GRIK5: variants seen among roughly 807,000 people sequenced by gnomAD.
GRIK5 encodes the protein glutamate receptor ionotropic, kainate 5.
A neutral mutation model predicts 97.4 loss-of-function variants in GRIK5; 43 were observed. That is an observed-to-expected ratio of 0.44 (90% CI 0.35 to 0.57). GRIK5 has a LOEUF of 0.57. GRIK5 is among the 20% of genes least tolerant of loss of function. GRIK5 has a pLI of 0.01. For missense variants in GRIK5, 1,015 were observed against 1,382.0 expected (o/e 0.73, Z 4.21); for synonymous variants, 580 against 583.5 (o/e 0.99, Z 0.09).
chr19:42,061,171 C>T (rs2076254186), intron 5 of GRIK5, among the ~76,000 whole-genome samples: 1 of 152,222 alleles, frequency 6.6e-6, no homozygotes, highest in Admixed American at 6.5e-5. Context: ...CCTCAGCCTC[C>T]TGAGTAGCTG....
At position 42,056,826 on chromosome 19, in the gene GRIK5, G is replaced by A. The variant is rs2076192830; in HGVS notation, c.742-3C>T. On this transcript the variant is annotated splice_region_variant and splice_polypyrimidine_tract_variant and intron_variant, in intron 7 of 19. Coordinates refer to ENST00000593562, the MANE Select transcript of GRIK5 (RefSeq NM_002088.5). ...TCCAGATGCAGGATGGGGAAGTCCT[G>A]GGACCAGGAAGAGGTGGTGAGGCCT... is the stretch of plus-strand genomic sequence containing the variant. 6.2e-7 allele frequency: 1 copy of A among 1,614,046 alleles called. No homozygotes were observed. Among genetic ancestry groups the A allele is most frequent in the African/African-American group, 1.3e-5 (1 of 74,932 alleles).
Position 42,022,700 on chromosome 19 carries a change from G to C in GRIK5, c.1474-346C>G. ...AGGGCCATAAAAGAGCCAAGGTCCT[G>C]AAGGGGCTGAGACTGACAGCACTCG... On this transcript the variant is annotated intron_variant, in intron 12 of 19. Coordinates refer to ENST00000593562, the MANE Select transcript of GRIK5 (RefSeq NM_002088.5). This position sits in a 1 kb window ranked among gnomAD's most constrained non-coding sequence, Gnocchi z 4.2. 1 of 981,444 alleles carries C rather than the reference G, an allele frequency of 1.0e-6. No individual in the cohort carries two copies. Among genetic ancestry groups the C allele is most frequent in the Non-Finnish European group, 1.2e-6 (1 of 826,604 alleles). The allele number at this position is 981,444 out of a possible 1,614,324, so 60.8% of individuals were successfully genotyped here. A position where few individuals can be genotyped will look rare whatever the true frequency, so the allele number is the denominator to read the frequency against.
At chr19:42,024,218 T>A (rs1357193408) in intron 12 of GRIK5, among the ~76,000 whole-genome samples, 1 of 149,852 alleles carries the variant, frequency 6.7e-6, no homozygotes, top group African/African-American at 2.4e-5. Flanking sequence ...TTGGCCCTTT[T>A]TTTTTTTTTT....
At chr19:42,035,273 G>A (rs922246540) in intron 12 of GRIK5, among the ~76,000 whole-genome samples, 3 of 152,126 alleles carry the variant, frequency 2.0e-5, no homozygotes, top group Middle Eastern at 3.4e-3. Flanking sequence ...GAGTCACTGC[G>A]CCTGGCCTAA....
At chr19:42,066,298 T>C (rs1020438138) in intron 1 of GRIK5, among the ~76,000 whole-genome samples, 6 of 152,012 alleles carry the variant, frequency 3.9e-5, no homozygotes, top group Non-Finnish European at 7.4e-5. Flanking sequence ...CTTGCCACTT[T>C]CCTAACATCC....
At chr19:42,036,930 C>T (rs1463658379) in intron 12 of GRIK5, among the ~76,000 whole-genome samples, 1 of 152,164 alleles carries the variant, frequency 6.6e-6, no homozygotes, top group Non-Finnish European at 1.5e-5. Flanking sequence ...GTTAGGGGGT[C>T]ACCACTCCCC....
chr19:42,025,824 T>C (rs2075764760), intron 12 of GRIK5, among the ~76,000 whole-genome samples: 1 of 152,224 alleles, frequency 6.6e-6, no homozygotes, highest in African/African-American at 2.4e-5. Flanking sequence ...GCTTAGATTC[T>C]GCAACGGGCT....
Position 41,999,757 on chromosome 19 carries a change from G to T in GRIK5, c.2515-458C>A, listed in dbSNP as rs557142786. 5.3e-5 allele frequency among the ~76,000 whole-genome samples: 8 copies of T among 152,350 alleles called. No homozygotes were observed. The South Asian group carries it at 1.5e-3, about 28-fold the overall frequency. On this transcript the variant is annotated intron_variant, in intron 19 of 19. Coordinates refer to ENST00000593562, the MANE Select transcript of GRIK5 (RefSeq NM_002088.5). The surrounding 1 kb of genome is among the most constrained non-coding windows in gnomAD (Gnocchi z 5.0). ...AGACAGAAGTCCCAGCCCTCGTGGA[G>T]GTTATGCTCAAGTGTGCAGAGACAG...
intron 3 of GRIK5, chr19:42,063,283 C>G: frequency 2.2e-6 from 1 of 459,410 alleles, no homozygotes. Context: ...CCAAACACCA[C>G]TCTCCCACTG....
chr19:41,998,984 C>T lies in GRIK5; in HGVS notation c.2830G>A (p.Ala944Thr), dbSNP rs1432915592. Residue 944 changes from alanine to threonine, a missense_variant, in exon 20 of 20, where the codon GCC becomes ACC. Coordinates refer to ENST00000593562, the MANE Select transcript of GRIK5 (RefSeq NM_002088.5). ...CGCGGAGGCGCGCCGGCCCCCGAGG[C>T]CCGCAGCGCCTGGATGCGCCGGCAC... is the stretch of plus-strand genomic sequence containing the variant. Reference protein sequence around the residue: ...QECRRIQALRASGAGAPPRGL... With the variant: ...QECRRIQALRTSGAGAPPRGL... 9 of 1,201,686 alleles carry T rather than the reference C, an allele frequency of 7.5e-6. No individual in the cohort carries two copies. The highest frequency in any genetic ancestry group is 1.6e-5 in the African/African-American group (1 of 61,948). The allele number at this position is 1,201,686 out of a possible 1,614,324, so 74.4% of individuals were successfully genotyped here.
intron 11 of GRIK5, among the ~76,000 whole-genome samples, chr19:42,044,522 T>C (rs2076019393): frequency 6.6e-6 from 1 of 152,208 alleles, no homozygotes; most frequent in Non-Finnish European, 1.5e-5. Flanking sequence ...ACAAGGCATG[T>C]GATGATGGTA....
intron 15 of GRIK5, among the ~76,000 whole-genome samples, chr19:42,014,401 C>CA (rs1037424131): frequency 6.0e-4 from 85 of 141,634 alleles, no homozygotes; most frequent in Middle Eastern, 3.6e-3. Flanking sequence ...AACTCCATCT[C>CA]AAAAAAAAAA....
At chr19:42,039,380 G>A (rs942069809) in intron 12 of GRIK5, among the ~76,000 whole-genome samples, 2 of 152,232 alleles carry the variant, frequency 1.3e-5, no homozygotes, top group Non-Finnish European at 1.5e-5. Flanking sequence ...GGCTGAGGCA[G>A]GAGAATCATT....
At chr19:42,030,370 T>C (rs2075827063) in intron 12 of GRIK5, among the ~76,000 whole-genome samples, 2 of 152,030 alleles carry the variant, frequency 1.3e-5, no homozygotes. Context: ...TTAGTAGAGA[T>C]GGGGTTTCAC....
At chr19:42,008,297 A>G (rs1555873219) in intron 15 of GRIK5, among the ~76,000 whole-genome samples, 2 of 152,050 alleles carry the variant, frequency 1.3e-5, no homozygotes, top group Non-Finnish European at 2.9e-5. Context: ...GATTACAGGC[A>G]TGAGCCACTG....
intron 11 of GRIK5, among the ~76,000 whole-genome samples, chr19:42,050,704 CAA>C (rs888549370): frequency 1.3e-5 from 2 of 151,392 alleles, no homozygotes; most frequent in African/African-American, 4.9e-5. Flanking sequence ...CAACGTGGTG[CAA>C]AAGACAGGCA....
rs1043572638 is a variant in GRIK5 at position 42,042,467 on chromosome 19, T to C, written c.1473+85A>G. 1.1e-5 allele frequency: 13 copies of C among 1,222,860 alleles called. No homozygotes were observed. The highest frequency in any genetic ancestry group is 1.5e-5 in the Non-Finnish European group (13 of 861,626). 75.8% of individuals were successfully genotyped at this position (1,222,860 alleles called of 1,614,324 possible). On this transcript the variant is annotated intron_variant, in intron 12 of 19. Transcript: ENST00000593562. The surrounding 1 kb of genome is among the most constrained non-coding windows in gnomAD (Gnocchi z 6.9). ...CTCTTCTGCCACCAGCCAGGCTGCT[T>C]CTGAGGTTCGACTGGCTGCCCAGCT...
chr19:42,025,946 C>A (rs1457441389), intron 12 of GRIK5, among the ~76,000 whole-genome samples: 1 of 152,196 alleles, frequency 6.6e-6, no homozygotes, highest in Non-Finnish European at 1.5e-5. Flanking sequence ...CCCATCTCTA[C>A]TAAAACTAAA....
At chr19:42,039,895 G>T (rs192904113) in intron 12 of GRIK5, among the ~76,000 whole-genome samples, 10 of 151,956 alleles carry the variant, frequency 6.6e-5, no homozygotes, top group Non-Finnish European at 2.9e-5. Flanking sequence ...TGGGAGGATC[G>T]CTTGAGCCCA....
Sources: allele counts gnomAD v4.1 joint callset (sites outside exome capture counted in the v4.1 genomes callset), GRCh38; gene constraint gnomAD v4.1.1; non-coding constraint Gnocchi (gnomAD v3.1); transcripts MANE v1.5; gene names NCBI Gene and HGNC (gene_info 2026-07-23, HGNC 2026-07-21).